DNAH11: variants seen among roughly 807,000 people sequenced by gnomAD.
DNAH11 encodes dynein axonemal heavy chain 11.
In DNAH11, 442 loss-of-function variants were observed where a neutral mutation model predicts 526.0. The observed-to-expected ratio is 0.84, with a 90% confidence interval of 0.78 to 0.91. The LOEUF is 0.91. DNAH11 is among the 40% of genes least tolerant of loss of function. The pLI is 0.00. For synonymous variants in DNAH11, 2,461 were observed against 1,935.9 expected, an observed-to-expected ratio of 1.27 and a Z score of -7.12; for missense variants, 6,989 against 5,448.7, an observed-to-expected ratio of 1.28 and a Z score of -8.90.
Position 21,669,236 on chromosome 7 carries a change from A to C in DNAH11, c.5328+10205A>C, listed in dbSNP as rs367922352. Among the ~76,000 whole-genome samples, 7 of 150,972 alleles carry C rather than the reference A, an allele frequency of 4.6e-5. No homozygotes were observed. In the South Asian group the frequency reaches 8.5e-4, roughly 18 times the overall value. On this transcript the variant is annotated intron_variant, in intron 30 of 81. Transcript: ENST00000409508. Reference sequence around the variant, plus strand: ...CACTCTGTCAACCAGGCTGGAGTGCAGTGGCACAATCTGCAGCCTCAAACT... The same window carrying C: ...CACTCTGTCAACCAGGCTGGAGTGCCGTGGCACAATCTGCAGCCTCAAACT...
intron 35 of DNAH11, among the ~76,000 whole-genome samples, chr7:21,696,873 G>T (rs1035404810): frequency 1.3e-5 from 2 of 152,096 alleles, no homozygotes; most frequent in Admixed American, 1.3e-4. Flanking sequence ...ACCCAATATG[G>T]TATGAAGTGC....
rs1038876118 is a variant in DNAH11 at position 21,868,737 on chromosome 7, A to G, written c.11840-127A>G. ...TGGATACAACAGAAGTTTCTTTGGG[A>G]TTCTTCAGGAAAGTCACTCAGAAGA... On this transcript the variant is annotated intron_variant, in intron 72 of 81. Transcript: ENST00000409508. 8.2e-6 allele frequency: 10 copies of G among 1,219,872 alleles called. No homozygotes were observed. The African/African-American group carries it at 1.5e-4, about 19-fold the overall frequency. The allele number at this position is 1,219,872 out of a possible 1,614,324, so 75.6% of individuals were successfully genotyped here.
chr7:21,829,074 C>G (rs978331272), intron 65 of DNAH11, among the ~76,000 whole-genome samples: 1 of 152,094 alleles, frequency 6.6e-6, no homozygotes, highest in Admixed American at 6.6e-5. Flanking sequence ...TGGTTTGCTA[C>G]GTTTGCTACA....
chr7:21,816,422 C>G (rs1789792686), intron 63 of DNAH11, 45 bp from the exon 64 acceptor site: 2 of 1,452,966 alleles, frequency 1.4e-6, no homozygotes, highest in Middle Eastern at 1.7e-4. Context: ...TGTCTTCTCT[C>G]TCTGCCACAT....
chr7:21,717,574 T>G (rs1410063760), intron 42 of DNAH11, among the ~76,000 whole-genome samples: 2 of 152,178 alleles, frequency 1.3e-5, no homozygotes, highest in Non-Finnish European at 2.9e-5. Context: ...TACAGTCTTT[T>G]CATTAAGGTA....
chr7:21,714,001 C>T (rs1239494179), intron 42 of DNAH11, among the ~76,000 whole-genome samples: 12 of 152,288 alleles, frequency 7.9e-5, no homozygotes, highest in Non-Finnish European at 1.5e-4. Flanking sequence ...CACCACAGTG[C>T]GTGGCAGCAT....
chr7:21,685,784 T>C lies in DNAH11; in HGVS notation c.5622-1315T>C, dbSNP rs533033945. 1.8e-4 allele frequency among the ~76,000 whole-genome samples: 28 copies of C among 152,302 alleles called. No homozygotes were observed. In the South Asian group the frequency reaches 4.8e-3, roughly 26 times the overall value. ...TGGCAGGTGGCTGACATGCTAAACA[T>C]GGTTTCCACATGTGTTTTAGCCAGT... On this transcript the variant is annotated intron_variant, in intron 32 of 81. Coordinates refer to ENST00000409508, the MANE Select transcript of DNAH11 (RefSeq NM_001277115.2).
At chr7:21,557,062 C>CA (rs59996091) in intron 2 of DNAH11, among the ~76,000 whole-genome samples, 7,629 of 137,090 alleles carry the variant, frequency 0.056, 692 homozygotes, top group East Asian at 0.33. Context: ...GACTCTGTCT[C>CA]AAAAAAAAAA....
Position 21,543,313 on chromosome 7 carries a change from C to CG in DNAH11, c.73dup (p.Ala25GlyfsTer81). The CG allele has an allele frequency of 6.5e-7, 1 of 1,549,934 alleles. No individual in the cohort carries two copies. Among genetic ancestry groups the CG allele is most frequent in the Non-Finnish European group, 8.7e-7 (1 of 1,146,396 alleles). On this transcript the variant is annotated frameshift_variant, in exon 1 of 82. Coordinates refer to ENST00000409508, the MANE Select transcript of DNAH11 (RefSeq NM_001277115.2). LOFTEE classifies it high-confidence loss of function. The stretch of plus-strand genomic sequence containing the variant: ...GAAGCCCCGACCCTTCGCCTAACCT[C>CG]GGGGGCCGGCCTGGAGGCAGTGGGC...
intron 54 of DNAH11, among the ~76,000 whole-genome samples, chr7:21,761,452 C>T (rs1434433709): frequency 2.0e-5 from 3 of 152,122 alleles, no homozygotes; most frequent in East Asian, 1.9e-4. Context: ...CTAGATTCTA[C>T]GCGTATTTAA....
intron 43 of DNAH11, among the ~76,000 whole-genome samples, chr7:21,718,340 C>T (rs1784748308): frequency 6.6e-6 from 1 of 152,148 alleles, no homozygotes; most frequent in African/African-American, 2.4e-5. Context: ...TCCTAAGTAA[C>T]TTGCCCAGAG....
chr7:21,843,054 A>C (rs570084378), intron 66 of DNAH11, among the ~76,000 whole-genome samples: 15 of 152,346 alleles, frequency 9.8e-5, no homozygotes, highest in African/African-American at 3.6e-4. Context: ...GTAATCGACT[A>C]ATTTAGCCTG....
In DNAH11 at chr7:21,787,664, G is replaced by A. The variant is rs575701159; in HGVS notation, c.9924+81G>A. 24 of 1,263,834 alleles carry A rather than the reference G, an allele frequency of 1.9e-5. No individual in the cohort carries two copies. The South Asian group carries it at 4.3e-4, about 23-fold the overall frequency. The allele number at this position is 1,263,834 out of a possible 1,614,324, so 78.3% of individuals were successfully genotyped here. The stretch of plus-strand genomic sequence containing the variant: ...ATCAATTTCTAGGTCAGCGAGAAGA[G>A]TAAAATTTGTTATTTCATTTTCTGA... On this transcript the variant is annotated intron_variant, in intron 60 of 81. Transcript: ENST00000409508.
chr7:21,764,362 C>T (rs1787075847), intron 54 of DNAH11, among the ~76,000 whole-genome samples: 1 of 152,028 alleles, frequency 6.6e-6, no homozygotes, highest in Non-Finnish European at 1.5e-5. Context: ...AAAATCACAT[C>T]CTTTGAAAAA....
chr7:21,561,569 C>T (rs924767717), intron 5 of DNAH11: 1 of 156,424 alleles, frequency 6.4e-6, no homozygotes, highest in African/African-American at 2.4e-5. Flanking sequence ...AGCTTGCAAA[C>T]ACTCAAAGCC....
At chr7:21,664,428 T>G (rs911810557) in intron 30 of DNAH11, among the ~76,000 whole-genome samples, 10 of 151,836 alleles carry the variant, frequency 6.6e-5, no homozygotes, top group African/African-American at 2.4e-4. Flanking sequence ...CGCAATTCTT[T>G]CAGGTTTCTA....
chr7:21,791,378 C>T (rs1788472701), intron 61 of DNAH11, among the ~76,000 whole-genome samples: 1 of 152,200 alleles, frequency 6.6e-6, no homozygotes, highest in Admixed American at 6.5e-5. Flanking sequence ...GCAGGAGTGA[C>T]CTTGCCTTTT....
chr7:21,737,097 A>G (rs1047753885), intron 46 of DNAH11, among the ~76,000 whole-genome samples: 3 of 152,228 alleles, frequency 2.0e-5, no homozygotes, highest in Admixed American at 6.5e-5. Context: ...AGTTGTCAGT[A>G]TACTTGTAAA....
intron 5 of DNAH11, 69 bp downstream of exon 5, chr7:21,561,239 G>C: frequency 2.6e-6 from 3 of 1,169,692 alleles, no homozygotes; most frequent in Non-Finnish European, 3.7e-6. Context: ...CTGCCTGCTC[G>C]GCCTTGATAT....
Sources: gnomAD v4.1 joint callset for allele counts (sites outside exome capture counted in the v4.1 genomes callset) on GRCh38, gnomAD v4.1.1 for gene constraint, MANE v1.5 for transcripts, NCBI Gene and HGNC (gene_info 2026-07-23, HGNC 2026-07-21) for gene names.